The following PCDHA7 variants were observed in gnomAD, a reference collection of about 807,000 sequenced individuals.
PCDHA7 encodes the protein protocadherin alpha 7.
PCDHA7 carries 37 observed loss-of-function variants against 57.2 expected under a neutral mutation model. That is an observed-to-expected ratio of 0.65 (90% confidence interval 0.50 to 0.85). The LOEUF (loss-of-function observed/expected upper bound fraction) is 0.85. Among genes scored for constraint, PCDHA7 ranks in the 40% least tolerant of loss-of-function variants. PCDHA7 has a pLI of 0.00. For synonymous variants in PCDHA7, 553 were observed against 558.8 expected, an observed-to-expected ratio of 0.99 and a Z score of 0.15; for missense variants, 1,188 against 1,241.8, an observed-to-expected ratio of 0.96 and a Z score of 0.65.
At chr5:140,876,456 T>C (rs2056356318) in intron 1 of PCDHA7, 11 of 1,613,932 alleles carry the variant, frequency 6.8e-6, no homozygotes, top group Non-Finnish European at 8.5e-6. Context: ...AAGGGATTCC[T>C]TCCATGGCAG....
chr5:140,909,992 T>A (rs2074821631), intron 1 of PCDHA7, among the ~76,000 whole-genome samples: 1 of 152,192 alleles, frequency 6.6e-6, no homozygotes, highest in Non-Finnish European at 1.5e-5. Context: ...ACTAACAGCA[T>A]AAATTGTTGT....
At chr5:140,861,738 T>C (rs1554155173) in intron 1 of PCDHA7, 1 of 160,806 alleles carries the variant, frequency 6.2e-6, no homozygotes, top group African/African-American at 2.5e-5. Context: ...ACTTACATAC[T>C]GTGCCGCAAT....
intron 1 of PCDHA7, among the ~76,000 whole-genome samples, chr5:140,889,040 A>G (rs1313734637): frequency 4.6e-5 from 7 of 152,094 alleles, no homozygotes; most frequent in African/African-American, 1.4e-4. Context: ...TAATTTGATT[A>G]TAATTTATAA....
rs782039603 is a variant in PCDHA7 at position 140,876,722 on chromosome 5, G to A, written c.2355+39984G>A. 2.5e-6 allele frequency: 4 copies of A among 1,614,134 alleles called. No individual in the cohort carries two copies. In the Admixed American group the frequency reaches 5.0e-5, roughly 20 times the overall value. On this transcript the variant is annotated intron_variant, in intron 1 of 3. Coordinates refer to ENST00000525929, the MANE Select transcript of PCDHA7 (RefSeq NM_018910.3). ...CTGGACAGCGCCCTGGACCGCGAGA[G>A]CGTGTCGGCCTATGAGCTGGTGGTG...
In PCDHA7 at chr5:140,850,341, G is replaced by T. The variant is rs146727140; in HGVS notation, c.2355+13603G>T. 29 of 1,597,748 alleles carry T rather than the reference G, an allele frequency of 1.8e-5. 2 individuals are homozygous for T. The highest frequency in any genetic ancestry group is 2.4e-5 in the Non-Finnish European group (28 of 1,167,702). Reference sequence around the variant, plus strand: ...TTCATACGAGCTGCAGCCAGAAACGGCCAGCGCGAGCATCCCGTTCCGCGT... The same window carrying T: ...TTCATACGAGCTGCAGCCAGAAACGTCCAGCGCGAGCATCCCGTTCCGCGT... On this transcript the variant is annotated intron_variant, in intron 1 of 3. Transcript: ENST00000525929.
intron 1 of PCDHA7, chr5:140,869,565 A>G: frequency 6.2e-7 from 1 of 1,614,190 alleles, no homozygotes; most frequent in Non-Finnish European, 8.5e-7. Flanking sequence ...GTTTTCCACT[A>G]GAGGGAGCTT....
At chr5:140,858,377 T>C in intron 1 of PCDHA7, 3 of 1,587,044 alleles carry the variant, frequency 1.9e-6, no homozygotes, top group Non-Finnish European at 2.6e-6. Flanking sequence ...CCTTCCACCA[T>C]GCCCAATGGT....
chr5:141,005,797 A>G (rs1444669955), intron 3 of PCDHA7, among the ~76,000 whole-genome samples: 2 of 150,756 alleles, frequency 1.3e-5, no homozygotes, highest in East Asian at 1.9e-4. Context: ...GGCAAAAACA[A>G]CTCCAAGGAG....
At chr5:140,927,889 G>A in intron 1 of PCDHA7, 3 of 1,614,226 alleles carry the variant, frequency 1.9e-6, no homozygotes, top group Non-Finnish European at 2.5e-6. Flanking sequence ...GGTGACTGAC[G>A]TGAACGATCA....
At chr5:141,005,436 G>T (rs1554260042) in intron 3 of PCDHA7, among the ~76,000 whole-genome samples, 2 of 152,080 alleles carry the variant, frequency 1.3e-5, no homozygotes, top group East Asian at 1.9e-4. Flanking sequence ...TGGATGAGAG[G>T]CTCACGCCTG....
intron 1 of PCDHA7, among the ~76,000 whole-genome samples, chr5:140,896,384 C>T (rs778057567): frequency 2.0e-5 from 3 of 152,172 alleles, no homozygotes; most frequent in Non-Finnish European, 4.4e-5. Flanking sequence ...TCTGCAACCT[C>T]ACCAGCATCT....
At position 140,850,713 on chromosome 5, in the gene PCDHA7, G is replaced by T. The variant is rs186966305; in HGVS notation, c.2355+13975G>T. 415 of 1,598,196 alleles carry T rather than the reference G, an allele frequency of 2.6e-4. 13 individuals are homozygous for T. The East Asian group carries it at 6.7e-3, about 26-fold the overall frequency. ...GTGCGCGCCTGGCAAGCCGACGCTGGTGTGTTCTAGCGCGGTGGGGAGTTG... is the reference window on the plus strand; with the variant it reads ...GTGCGCGCCTGGCAAGCCGACGCTGTTGTGTTCTAGCGCGGTGGGGAGTTG... On this transcript the variant is annotated intron_variant, in intron 1 of 3. Coordinates refer to ENST00000525929, the MANE Select transcript of PCDHA7 (RefSeq NM_018910.3).
At chr5:140,988,571 C>T (rs1438476188) in intron 3 of PCDHA7, among the ~76,000 whole-genome samples, 7 of 152,168 alleles carry the variant, frequency 4.6e-5, no homozygotes, top group Non-Finnish European at 1.0e-4. Flanking sequence ...TGGGAAAACA[C>T]TCTGTACCTT....
chr5:140,834,836 G>A lies in PCDHA7; in HGVS notation c.453G>A (p.Arg151=). 5 of 1,611,792 alleles carry A rather than the reference G, an allele frequency of 3.1e-6. No individual in the cohort carries two copies. Among genetic ancestry groups the A allele is most frequent in the Non-Finnish European group, 3.4e-6 (4 of 1,179,432 alleles). ...CGGAATCCAGGCCGCTTGACTCTCG[G>A]TTTCCACTAGAGGGCGCGTCCGATG... ...FIAESRPLDS[R]FPLEGASDAD... The change falls in exon 1 of 4, where the codon CGG becomes CGA. Residue 151 remains arginine, a synonymous_variant. Coordinates refer to ENST00000525929, the MANE Select transcript of PCDHA7 (RefSeq NM_018910.3).
chr5:140,883,761 G>C, intron 1 of PCDHA7: 1 of 1,612,908 alleles, frequency 6.2e-7, no homozygotes, highest in Non-Finnish European at 8.5e-7. Flanking sequence ...GTGGAGCGGC[G>C]GGTGGGCGAG....
rs143144725 is a variant in PCDHA7 at position 140,850,029 on chromosome 5, G to A, written c.2355+13291G>A. Reference sequence around the variant, plus strand: ...GCTGTCGAGCTACGTGTCAGTGCACGCGGAGAGCGGCAAGGTGTACGCGCT... The same window carrying A: ...GCTGTCGAGCTACGTGTCAGTGCACACGGAGAGCGGCAAGGTGTACGCGCT... On this transcript the variant is annotated intron_variant, in intron 1 of 3. Coordinates refer to ENST00000525929, the MANE Select transcript of PCDHA7 (RefSeq NM_018910.3). 1.3e-4 allele frequency: 205 copies of A among 1,596,756 alleles called. 11 individuals carry two copies. In the African/African-American group the frequency reaches 2.2e-3, roughly 17 times the overall value.
At chr5:140,884,509 T>C (rs781917095) in intron 1 of PCDHA7, 3 of 1,612,704 alleles carry the variant, frequency 1.9e-6, no homozygotes, top group Non-Finnish European at 1.7e-6. Flanking sequence ...CGGCAGGGAG[T>C]TGGTCGTACT....
chr5:140,843,298 G>A, intron 1 of PCDHA7: 1 of 1,595,982 alleles, frequency 6.3e-7, no homozygotes, highest in Non-Finnish European at 8.6e-7. Context: ...AACCTGCGCT[G>A]ACCGCCACGG....
At chr5:140,903,076 C>T (rs1479702171) in intron 1 of PCDHA7, among the ~76,000 whole-genome samples, 1 of 152,122 alleles carries the variant, frequency 6.6e-6, no homozygotes, top group Admixed American at 6.5e-5. Flanking sequence ...GGGTAGATAC[C>T]TGATAGTGGC....
Sources: allele counts gnomAD v4.1 joint callset (sites outside exome capture counted in the v4.1 genomes callset), GRCh38; gene constraint gnomAD v4.1.1; transcripts MANE v1.5; gene names NCBI Gene and HGNC (gene_info 2026-07-23, HGNC 2026-07-21).